The following TGFBR3 variants were observed in gnomAD, a reference collection of about 807,000 sequenced individuals.
TGFBR3 encodes transforming growth factor beta receptor type 3.
Under a neutral mutation model 87.9 loss-of-function variants are expected in TGFBR3, and 46 were observed. The observed-to-expected ratio is 0.52, with a 90% CI of 0.41 to 0.67. The LOEUF is 0.67. TGFBR3 is among the 30% of genes least tolerant of loss of function. The pLI is 0.00. For synonymous variants in TGFBR3, 381 were observed against 391.6 expected (o/e 0.97, Z 0.32); for missense variants, 866 against 1,041.9 (o/e 0.83, Z 2.32).
chr1:91,746,066 C>A (rs1347299846), intron 4 of TGFBR3, among the ~76,000 whole-genome samples: 1 of 152,094 alleles, frequency 6.6e-6, no homozygotes, highest in Non-Finnish European at 1.5e-5. Flanking sequence ...ATAAAAAAAA[C>A]CTAAATGACT....
intron 2 of TGFBR3, 146 bp from the exon 3 acceptor site, chr1:91,797,617 C>G: frequency 1.2e-6 from 1 of 806,992 alleles, no homozygotes; most frequent in Non-Finnish European, 2.1e-6. Context: ...AAAAGCTAGC[C>G]TATCTTCTAA....
chr1:91,773,961 T>A (rs1674475153), intron 3 of TGFBR3, among the ~76,000 whole-genome samples: 1 of 152,218 alleles, frequency 6.6e-6, no homozygotes, highest in African/African-American at 2.4e-5. Context: ...ACTTTAATTC[T>A]GGGTCAGTGT....
chr1:91,793,662 C>T (rs1036182105), intron 3 of TGFBR3, among the ~76,000 whole-genome samples: 29 of 151,764 alleles, frequency 1.9e-4, no homozygotes, highest in African/African-American at 6.5e-4. Context: ...AAAAATTAGC[C>T]GGGCACGGTG....
At chr1:91,698,842 C>G (rs560917360) in intron 14 of TGFBR3, among the ~76,000 whole-genome samples, 71 of 152,312 alleles carry the variant, frequency 4.7e-4, no homozygotes, top group African/African-American at 1.6e-3. Flanking sequence ...TACACATTTT[C>G]TAAAAGTATC....
intron 2 of TGFBR3, among the ~76,000 whole-genome samples, chr1:91,815,721 G>T (rs1301437987): frequency 6.6e-6 from 1 of 152,120 alleles, no homozygotes; most frequent in African/African-American, 2.4e-5. Flanking sequence ...GGATAGCAAA[G>T]AATTCTATAA....
At chr1:91,785,388 T>G (rs1004858316) in intron 3 of TGFBR3, among the ~76,000 whole-genome samples, 2 of 152,248 alleles carry the variant, frequency 1.3e-5, no homozygotes, top group Admixed American at 1.3e-4. Context: ...CTTAGGGTGA[T>G]GGAAATGTTG....
intron 1 of TGFBR3, chr1:91,864,165 C>G (rs866607697): frequency 4.6e-5 from 7 of 152,158 alleles, no homozygotes; most frequent in Admixed American, 1.3e-4. Context: ...AAACTGTAAG[C>G]GGCACGAGGC....
chr1:91,779,589 T>C (rs1414175729), intron 3 of TGFBR3, among the ~76,000 whole-genome samples: 1 of 152,062 alleles, frequency 6.6e-6, no homozygotes, highest in Non-Finnish European at 1.5e-5. Flanking sequence ...GTAGAACAAA[T>C]AGGATTGGAT....
chr1:91,711,795 T>C (rs11466605), intron 13 of TGFBR3, among the ~76,000 whole-genome samples: 11,462 of 152,258 alleles, frequency 0.075, 458 homozygotes, highest in Non-Finnish European at 0.088. Flanking sequence ...AAATATTTGT[T>C]AGTTTCCCCT....
intron 2 of TGFBR3, among the ~76,000 whole-genome samples, chr1:91,838,902 G>A (rs551636360): frequency 6.6e-6 from 1 of 152,298 alleles, no homozygotes; most frequent in South Asian, 2.1e-4. Context: ...TGTTCTGGTT[G>A]AAGGATATGA....
chr1:91,893,292 A>AT (rs34162665), intron 2 of TGFBR3, among the ~76,000 whole-genome samples: 46,618 of 149,282 alleles, frequency 0.31, 8,017 homozygotes, highest in Non-Finnish European at 0.39. Context: ...ACTTGTAACT[A>AT]TTTTTTTTTT....
chr1:91,680,971 T>C lies in TGFBR3; in HGVS notation c.*2768A>G, dbSNP rs1670889407. ...GTAAACACCACATGGTGAAAAGCTATAGCGTATTATACAGACAATCTGCCT... is the reference window on the plus strand; with the variant it reads ...GTAAACACCACATGGTGAAAAGCTACAGCGTATTATACAGACAATCTGCCT... On this transcript the variant is annotated 3_prime_UTR_variant, in exon 17 of 17. Transcript: ENST00000212355. 2 of 454,034 alleles carry C rather than the reference T, an allele frequency of 4.4e-6. No homozygotes were observed. The highest frequency in any genetic ancestry group is 2.0e-5 in the African/African-American group (1 of 50,022). The allele number at this position is 454,034 out of a possible 1,614,324, so 28.1% of individuals were successfully genotyped here.
At chr1:91,823,151 T>C (rs1199177441) in intron 2 of TGFBR3, among the ~76,000 whole-genome samples, 1 of 152,100 alleles carries the variant, frequency 6.6e-6, no homozygotes. Context: ...GGAGCCTCCC[T>C]AATTCACCTC....
At chr1:91,696,360 T>C (rs918422542) in intron 15 of TGFBR3, among the ~76,000 whole-genome samples, 4 of 152,238 alleles carry the variant, frequency 2.6e-5, no homozygotes, top group Non-Finnish European at 4.4e-5. Flanking sequence ...GATCTCCTCA[T>C]ATTAAACTCT....
chr1:91,819,700 C>A (rs1676376351), intron 2 of TGFBR3, among the ~76,000 whole-genome samples: 1 of 152,182 alleles, frequency 6.6e-6, no homozygotes, highest in African/African-American at 2.4e-5. Flanking sequence ...ATGAATCACA[C>A]CTCCAAGTCC....
At chr1:91,854,325 C>T (rs987899959) in intron 2 of TGFBR3, among the ~76,000 whole-genome samples, 1 of 152,026 alleles carries the variant, frequency 6.6e-6, no homozygotes, top group African/African-American at 2.4e-5. Flanking sequence ...CCAGTCATGT[C>T]CTTCACCATG....
intron 2 of TGFBR3, among the ~76,000 whole-genome samples, chr1:91,826,985 G>GA (rs1433620244): frequency 2.0e-5 from 3 of 151,938 alleles, no homozygotes; most frequent in Non-Finnish European, 4.4e-5. Flanking sequence ...TTTTAACGGA[G>GA]AAAAAAAATT....
chr1:91,858,623 A>G (rs943550858), intron 2 of TGFBR3, among the ~76,000 whole-genome samples: 2 of 151,020 alleles, frequency 1.3e-5, no homozygotes, highest in Non-Finnish European at 2.9e-5. Flanking sequence ...AAAAAAAAAA[A>G]AAAAAAAAAA....
chr1:91,788,954 A>G (rs1010566107), intron 3 of TGFBR3, among the ~76,000 whole-genome samples: 2 of 152,234 alleles, frequency 1.3e-5, no homozygotes, highest in Admixed American at 6.5e-5. Context: ...CCTAACCTCC[A>G]TAAAGACAAA....
Sources: allele counts gnomAD v4.1 joint callset (sites outside exome capture counted in the v4.1 genomes callset), GRCh38; gene constraint gnomAD v4.1.1; transcripts MANE v1.5; gene names NCBI Gene and HGNC (gene_info 2026-07-23, HGNC 2026-07-21).